Variants in PIK3R3 observed in about 807,000 individuals in gnomAD.
The protein encoded by PIK3R3 is phosphoinositide-3-kinase regulatory subunit 3.
Under a neutral mutation model 62.9 loss-of-function variants are expected in PIK3R3, and 64 were observed. The ratio of observed to expected loss-of-function variants is 1.02; its 90% CI spans 0.83 to 1.25. PIK3R3 has a LOEUF of 1.25. Among genes scored for constraint, PIK3R3 ranks in the 50% most tolerant of loss-of-function variants. The probability of loss-of-function intolerance (pLI) is 0.00; values close to 1 mark genes in which losing one functional copy is unlikely to be tolerated. For synonymous variants in PIK3R3, 165 were observed against 189.0 expected, an observed-to-expected ratio of 0.87 and a Z score of 1.04; for missense variants, 614 against 561.6, an observed-to-expected ratio of 1.09 and a Z score of -0.94.
At position 46,087,916 on chromosome 1, in the gene PIK3R3, G is replaced by A. The variant is rs76664899; in HGVS notation, c.107-7166C>T. On this transcript the variant is annotated intron_variant, in intron 1 of 9. Coordinates refer to ENST00000262741, the MANE Select transcript of PIK3R3 (RefSeq NM_003629.4). ...GCTACTAAAGTGTCAAATCCGTAGA[G>A]ACAGAAAGTAGAATGCTGTTGGCCA... Among the ~76,000 whole-genome samples, 1,131 of 152,306 alleles carry A rather than the reference G, an allele frequency of 7.4e-3. 17 individuals carry two copies. The highest frequency in any genetic ancestry group is 0.026 in the African/African-American group (1,068 of 41,560).
chr1:46,167,350 G>A, the PIK3R3 span, among the ~76,000 whole-genome samples: 6 of 152,210 alleles, frequency 3.9e-5, no homozygotes, highest in Non-Finnish European at 7.3e-5. Flanking sequence ...ATGGGAAATG[G>A]GGCAGTGGGG....
At chr1:46,144,458 C>T in the PIK3R3 span, among the ~76,000 whole-genome samples, 1 of 152,080 alleles carries the variant, frequency 6.6e-6, no homozygotes, top group Non-Finnish European at 1.5e-5. Flanking sequence ...CAAATCAGGC[C>T]AACCATTAAA....
At chr1:46,046,142 A>G in intron 8 of PIK3R3, 54 bp from the exon 9 acceptor site, 1 of 1,040,932 alleles carries the variant, frequency 9.6e-7, no homozygotes. Context: ...ATCTAAAAGC[A>G]AATTCATAAA....
At chr1:46,145,387 A>G in the PIK3R3 span, among the ~76,000 whole-genome samples, 2 of 150,946 alleles carry the variant, frequency 1.3e-5, no homozygotes, top group South Asian at 2.1e-4. Context: ...AAAAAAAAAG[A>G]TATTTATTTT....
At chr1:46,140,849 TG>T in the PIK3R3 span, among the ~76,000 whole-genome samples, 1 of 151,722 alleles carries the variant, frequency 6.6e-6, no homozygotes, top group African/African-American at 2.4e-5. Context: ...TTTGTTTTTT[TG>T]TTTTTTGTTT....
rs745341432 is a variant in PIK3R3 at position 46,043,888 on chromosome 1, C to G, written c.1188-17G>C. 1.2e-6 allele frequency: 2 copies of G among 1,603,422 alleles called. No homozygotes were observed. The highest frequency in any genetic ancestry group is 2.2e-5 in the South Asian group (2 of 90,202). ...CCATCGGCCCTGCAATGACAAACCACAGAAGAAATGTTAAGGTAGGTAACA... is the reference window on the plus strand; with the variant it reads ...CCATCGGCCCTGCAATGACAAACCAGAGAAGAAATGTTAAGGTAGGTAACA... On this transcript the variant is annotated splice_polypyrimidine_tract_variant and intron_variant, in intron 9 of 9. Coordinates refer to ENST00000262741, the MANE Select transcript of PIK3R3 (RefSeq NM_003629.4).
intron 1 of PIK3R3, among the ~76,000 whole-genome samples, chr1:46,128,040 T>A (rs933644554): frequency 6.6e-6 from 1 of 152,228 alleles, no homozygotes; most frequent in Non-Finnish European, 1.5e-5. Context: ...CAATGTTAGT[T>A]ATTGAAAAGA....
chr1:46,134,290 T>C (rs1473503618), upstream of PIK3R3, among the ~76,000 whole-genome samples: 1 of 152,166 alleles, frequency 6.6e-6, no homozygotes, highest in African/African-American at 2.4e-5. Flanking sequence ...CCTAAGGTGG[T>C]TCTGCCTTCC....
rs1655663895 is a variant in PIK3R3, at chr1:46,132,114, T to C, written c.-162A>G. 7.1e-7 allele frequency: 1 copy of C among 1,414,070 alleles called. No homozygotes were observed. Among genetic ancestry groups the C allele is most frequent in the East Asian group, 2.7e-5 (1 of 37,682 alleles). 87.6% of individuals were successfully genotyped at this position (1,414,070 alleles called of 1,614,324 possible). ...GTCCGGCCAAACTACCCGAACAGGG[T>C]CCTCCCCCTCTCTCCTACAGAACAC... is the stretch of plus-strand genomic sequence containing the variant. On this transcript the variant is annotated 5_prime_UTR_variant, in exon 1 of 10. Coordinates refer to ENST00000262741, the MANE Select transcript of PIK3R3 (RefSeq NM_003629.4).
intron 3 of PIK3R3, among the ~76,000 whole-genome samples, chr1:46,074,167 G>A (rs1649820922): frequency 6.6e-6 from 1 of 150,508 alleles, no homozygotes; most frequent in Non-Finnish European, 1.5e-5. Context: ...GCGGGCGCCT[G>A]TAGTCCCAGC....
intron 1 of PIK3R3, among the ~76,000 whole-genome samples, chr1:46,091,397 T>C (rs754096048): frequency 2.8e-4 from 43 of 152,052 alleles, no homozygotes; most frequent in Non-Finnish European, 5.6e-4. Flanking sequence ...TGCCTCGGCC[T>C]CCCAAAGTGC....
the PIK3R3 span, among the ~76,000 whole-genome samples, chr1:46,148,279 C>A: frequency 2.6e-5 from 4 of 152,094 alleles, no homozygotes; most frequent in African/African-American, 7.2e-5. Context: ...TAGCTTAAGA[C>A]AAATAAAGGG....
the PIK3R3 span, among the ~76,000 whole-genome samples, chr1:46,165,171 C>T: frequency 6.6e-6 from 1 of 152,170 alleles, no homozygotes; most frequent in African/African-American, 2.4e-5. Context: ...AGACTTTTTG[C>T]TCCCCAGTTT....
intron 1 of PIK3R3, among the ~76,000 whole-genome samples, chr1:46,122,959 T>C (rs1310778101): frequency 1.3e-5 from 2 of 151,972 alleles, no homozygotes; most frequent in Non-Finnish European, 2.9e-5. Flanking sequence ...TGGTGACACA[T>C]GACTGTAGTC....
At chr1:46,080,046 A>C (rs1650432196) in intron 2 of PIK3R3, among the ~76,000 whole-genome samples, 1 of 151,452 alleles carries the variant, frequency 6.6e-6, no homozygotes. Context: ...AAAATTTTTT[A>C]AGTGAGCTTT....
At chr1:46,079,982 G>A (rs1286419136) in intron 2 of PIK3R3, among the ~76,000 whole-genome samples, 1 of 151,530 alleles carries the variant, frequency 6.6e-6, no homozygotes, top group East Asian at 1.9e-4. Context: ...AGATTTTCTT[G>A]TCACTTTTTC....
chr1:46,083,389 T>A (rs939710200), intron 1 of PIK3R3, among the ~76,000 whole-genome samples: 2 of 152,164 alleles, frequency 1.3e-5, no homozygotes, highest in South Asian at 4.2e-4. Context: ...AAGAAAAAAA[T>A]AGATTAACTG....
chr1:46,114,763 CCTCA>C (rs71062738), intron 1 of PIK3R3, among the ~76,000 whole-genome samples: 63,726 of 145,458 alleles, frequency 0.44, 14,247 homozygotes, highest in East Asian at 0.61. Context: ...CACCACCAAG[CCTCA>C]CTAATTTTTT....
At chr1:46,106,249 C>A (rs1707335) in intron 1 of PIK3R3, among the ~76,000 whole-genome samples, 1 of 151,922 alleles carries the variant, frequency 6.6e-6, no homozygotes, top group Non-Finnish European at 1.5e-5. Flanking sequence ...ACTACAGGTG[C>A]ATGCCACCAC....
Sources: gnomAD v4.1 joint callset for allele counts (sites outside exome capture counted in the v4.1 genomes callset) on GRCh38, gnomAD v4.1.1 for gene constraint, MANE v1.5 for transcripts, NCBI Gene and HGNC (gene_info 2026-07-23, HGNC 2026-07-21) for gene names.